The following C1QTNF3 variants were observed in gnomAD, a reference collection of about 807,000 sequenced individuals.
C1QTNF3 encodes C1q and TNF related 3.
C1QTNF3 carries 26 observed loss-of-function variants against 32.6 expected under a neutral mutation model. The ratio of observed to expected loss-of-function variants is 0.80; its 90% confidence interval spans 0.58 to 1.11. The LOEUF (loss-of-function observed/expected upper bound fraction) is 1.11. C1QTNF3 is among the 50% of genes least tolerant of loss of function. The probability of loss-of-function intolerance (pLI) is 0.00; values close to 1 mark genes in which losing one functional copy is unlikely to be tolerated. For missense variants in C1QTNF3, 362 were observed against 398.2 expected (o/e 0.91, Z 0.77); for synonymous variants, 155 against 146.0 (o/e 1.06, Z -0.44).
the C1QTNF3 span, among the ~76,000 whole-genome samples, chr5:34,056,605 C>T: frequency 7.3e-5 from 11 of 151,144 alleles, no homozygotes; most frequent in Admixed American, 4.0e-4. Flanking sequence ...CTTGACCTCC[C>T]GGGCTCAAGT....
Position 34,020,759 on chromosome 5 carries a change from GAACA to G in C1QTNF3, c.801-21_801-18del, listed in dbSNP as rs776545038. ...ATTTCATAGCTGGAAAGAAAAAGAG[GAACA>G]AACTACTTAGTTTTTGCCATGAACA... On this transcript the variant is annotated intron_variant, in intron 5 of 5. Coordinates refer to ENST00000382065, the MANE Select transcript of C1QTNF3 (RefSeq NM_181435.6). 79 of 1,606,644 alleles carry G rather than the reference GAACA, an allele frequency of 4.9e-5. 1 individual carries two copies. In the South Asian group the frequency reaches 8.7e-4, roughly 18 times the overall value.
chr5:34,058,938 TCA>T, the C1QTNF3 span, among the ~76,000 whole-genome samples: 1 of 152,132 alleles, frequency 6.6e-6, no homozygotes, highest in Non-Finnish European at 1.5e-5. Context: ...CTCAAGGGAC[TCA>T]AGGTCAAGAG....
the C1QTNF3 span, among the ~76,000 whole-genome samples, chr5:34,073,655 G>T: frequency 6.6e-6 from 1 of 152,160 alleles, no homozygotes; most frequent in African/African-American, 2.4e-5. Flanking sequence ...GTTGGCAATT[G>T]CAGCCTGATT....
At chr5:34,135,668 G>A in the C1QTNF3 span, among the ~76,000 whole-genome samples, 539 of 149,462 alleles carry the variant, frequency 3.6e-3, 7 homozygotes, top group African/African-American at 0.013. Flanking sequence ...ACAATCCTAA[G>A]CAAAAACAAA....
chr5:34,136,998 G>C, the C1QTNF3 span, among the ~76,000 whole-genome samples: 1 of 151,850 alleles, frequency 6.6e-6, no homozygotes, highest in Non-Finnish European at 1.5e-5. Flanking sequence ...GTCCTGTTGG[G>C]GGGTGGGGGC....
chr5:34,134,528 T>C, the C1QTNF3 span, among the ~76,000 whole-genome samples: 1 of 152,172 alleles, frequency 6.6e-6, no homozygotes, highest in South Asian at 2.1e-4. Flanking sequence ...ATAAAAAATT[T>C]AAAATACTTA....
the C1QTNF3 span, among the ~76,000 whole-genome samples, chr5:34,155,723 G>A: frequency 6.6e-6 from 1 of 152,066 alleles, no homozygotes; most frequent in Non-Finnish European, 1.5e-5. Context: ...GGAAGTGGTA[G>A]GTTTTCATTT....
the C1QTNF3 span, among the ~76,000 whole-genome samples, chr5:34,180,319 G>A: frequency 6.6e-6 from 1 of 152,426 alleles, no homozygotes; most frequent in African/African-American, 2.4e-5. Flanking sequence ...TCTCCAGCCT[G>A]GGAGACAGAG....
intron 5 of C1QTNF3, among the ~76,000 whole-genome samples, chr5:34,023,675 T>G (rs1754396050): frequency 6.6e-6 from 1 of 152,196 alleles, no homozygotes; most frequent in Non-Finnish European, 1.5e-5. Context: ...TTGGGAGTGC[T>G]GCTAGTAATT....
chr5:34,098,440 G>C, the C1QTNF3 span, among the ~76,000 whole-genome samples: 1 of 152,168 alleles, frequency 6.6e-6, no homozygotes, highest in Non-Finnish European at 1.5e-5. Flanking sequence ...TTGACACTAA[G>C]GAATGATAGA....
chr5:34,213,269 CTA>C, the C1QTNF3 span, among the ~76,000 whole-genome samples: 2 of 152,100 alleles, frequency 1.3e-5, no homozygotes, highest in Non-Finnish European at 2.9e-5. Context: ...ATTGATCACT[CTA>C]TGAAGTTTGC....
the C1QTNF3 span, among the ~76,000 whole-genome samples, chr5:34,100,895 C>T: frequency 0.018 from 2,735 of 148,202 alleles, 42 homozygotes; most frequent in Non-Finnish European, 0.029. Flanking sequence ...CAAGTCCATT[C>T]TTTCCAGTAA....
the C1QTNF3 span, among the ~76,000 whole-genome samples, chr5:34,055,288 T>C: frequency 1.3e-5 from 2 of 152,206 alleles, no homozygotes; most frequent in South Asian, 2.1e-4. Flanking sequence ...GCCCATGCCA[T>C]AGCTACCACA....
rs1754237448 is a variant in C1QTNF3, at chr5:34,018,042, T to C, written c.*2541A>G. On this transcript the variant is annotated 3_prime_UTR_variant, in exon 6 of 6. Coordinates refer to ENST00000382065, the MANE Select transcript of C1QTNF3 (RefSeq NM_181435.6). ...TCTTAATATGTTTAGTCCAACCCATTAGAGCAAGATACAAAAATATATAAA... is the reference window on the plus strand; with the variant it reads ...TCTTAATATGTTTAGTCCAACCCATCAGAGCAAGATACAAAAATATATAAA... Among the ~76,000 whole-genome samples the C allele has an allele frequency of 6.6e-6, 1 of 151,864 alleles. No individual in the cohort carries two copies. Among genetic ancestry groups the C allele is most frequent in the Non-Finnish European group, 1.5e-5 (1 of 67,970 alleles).
At chr5:34,128,876 G>C in the C1QTNF3 span, among the ~76,000 whole-genome samples, 5 of 152,184 alleles carry the variant, frequency 3.3e-5, no homozygotes, top group Non-Finnish European at 7.3e-5. Flanking sequence ...AGACTTTGGG[G>C]AACTCTTGGG....
chr5:34,167,579 C>T, the C1QTNF3 span: 1 of 152,200 alleles, frequency 6.6e-6, no homozygotes, highest in Non-Finnish European at 1.5e-5. Context: ...CCAAGCCACA[C>T]AACACCCAGC....
the C1QTNF3 span, among the ~76,000 whole-genome samples, chr5:34,147,080 A>T: frequency 6.6e-6 from 1 of 152,184 alleles, no homozygotes; most frequent in Admixed American, 6.5e-5. Flanking sequence ...AAGAAATGCA[A>T]ATCTATACCA....
the C1QTNF3 span, among the ~76,000 whole-genome samples, chr5:34,076,237 C>T: frequency 1.3e-5 from 2 of 151,440 alleles, no homozygotes; most frequent in Non-Finnish European, 1.5e-5. Flanking sequence ...TTAATACTAC[C>T]AAACTGTACA....
At chr5:34,208,493 G>T in the C1QTNF3 span, among the ~76,000 whole-genome samples, 1 of 143,964 alleles carries the variant, frequency 6.9e-6, no homozygotes, top group East Asian at 2.0e-4. Flanking sequence ...CTCTTTCACA[G>T]TTTTTTTTTT....
Sources: allele counts gnomAD v4.1 joint callset (sites outside exome capture counted in the v4.1 genomes callset), GRCh38; gene constraint gnomAD v4.1.1; transcripts MANE v1.5; gene names NCBI Gene and HGNC (gene_info 2026-07-23, HGNC 2026-07-21).